GSE1: variants seen among roughly 807,000 people sequenced by gnomAD.
The protein encoded by GSE1 is genetic suppressor element 1.
GSE1 carries 32 observed loss-of-function variants against 112.6 expected under a neutral mutation model. The ratio of observed to expected loss-of-function variants is 0.28; its 90% CI spans 0.21 to 0.38. The LOEUF (loss-of-function observed/expected upper bound fraction) is 0.38, where lower values mean the gene tolerates loss of function less well. Among genes scored for constraint, GSE1 ranks in the 10% least tolerant of loss-of-function variants. The pLI is 1.00. For synonymous variants in GSE1, 1,115 were observed against 735.6 expected, an observed-to-expected ratio of 1.52 and a Z score of -8.35; for missense variants, 2,348 against 1,699.2, an observed-to-expected ratio of 1.38 and a Z score of -6.71.
intron 2 of GSE1, among the ~76,000 whole-genome samples, chr16:85,495,672 T>C (rs922467867): frequency 6.7e-6 from 1 of 149,468 alleles, no homozygotes; most frequent in African/African-American, 2.5e-5. Context: ...TTAAAAAAAA[T>C]TTTTAGTAGA....
chr16:85,290,277 C>A (rs2045169742), intron 1 of GSE1, among the ~76,000 whole-genome samples: 2 of 152,224 alleles, frequency 1.3e-5, no homozygotes, highest in Admixed American at 1.3e-4. Flanking sequence ...GACCCGGGCC[C>A]CTGCCATCTT....
intron 1 of GSE1, among the ~76,000 whole-genome samples, chr16:85,172,388 C>T (rs2074374934): frequency 6.6e-6 from 1 of 152,196 alleles, no homozygotes; most frequent in Non-Finnish European, 1.5e-5. Flanking sequence ...GGACAGTGGC[C>T]TAAACAGACT....
At chr16:85,670,921 T>C in intron 14 of GSE1, 74 bp from the exon 15 acceptor site, 1 of 909,814 alleles carries the variant, frequency 1.1e-6, no homozygotes, top group South Asian at 1.4e-5. Context: ...GGGCAGGGTG[T>C]GAAGAGGAGA....
intron 1 of GSE1, among the ~76,000 whole-genome samples, chr16:85,615,379 C>T (rs1033411251): frequency 6.6e-6 from 1 of 152,220 alleles, no homozygotes; most frequent in African/African-American, 2.4e-5. Context: ...AGACAGCCAG[C>T]CCCGTGTCGG....
chr16:85,433,746 A>AATGGATGCTGGATGG (rs1031764987), intron 2 of GSE1, among the ~76,000 whole-genome samples: 1 of 152,016 alleles, frequency 6.6e-6, no homozygotes, highest in Non-Finnish European at 1.5e-5. Flanking sequence ...CAGATGGATC[A>AATGGATGCTGGATGG]ATGGATGCTG....
intron 1 of GSE1, among the ~76,000 whole-genome samples, chr16:85,230,739 G>A (rs1461663669): frequency 6.6e-6 from 1 of 152,216 alleles, no homozygotes; most frequent in African/African-American, 2.4e-5. Context: ...GGAAAGGGGT[G>A]TATTAACTCA....
chr16:85,399,846 C>T (rs1471404411), intron 2 of GSE1, among the ~76,000 whole-genome samples: 3 of 152,198 alleles, frequency 2.0e-5, no homozygotes, highest in Non-Finnish European at 4.4e-5. Context: ...GTGCGGGCTG[C>T]GGTTATCATG....
At chr16:85,221,433 G>A (rs548768859) in intron 1 of GSE1, among the ~76,000 whole-genome samples, 10 of 151,698 alleles carry the variant, frequency 6.6e-5, no homozygotes, top group Non-Finnish European at 1.0e-4. Flanking sequence ...ATGCATCCAC[G>A]TGTGTGCACA....
chr16:85,588,493 C>T (rs916624832), intron 1 of GSE1, among the ~76,000 whole-genome samples: 1 of 152,182 alleles, frequency 6.6e-6, no homozygotes, highest in African/African-American at 2.4e-5. Context: ...ATCTGTAATT[C>T]GGATGACATA....
rs1029321279 is a variant in GSE1, at chr16:85,311,077, C to T, written c.2284-46386C>T. ...GCTCTGTCAAGAAGGATTATCTCGT[C>T]CTCCAGCAGGCAGGGCATCTGACAG... is the stretch of plus-strand genomic sequence containing the variant. On this transcript the variant is annotated intron_variant, in intron 1 of 2. Coordinates refer to the GSE1 transcript ENST00000637419. The surrounding 1 kb of genome is among the most constrained non-coding windows in gnomAD (Gnocchi z 4.2). Among the ~76,000 whole-genome samples, 8 of 152,234 alleles carry T rather than the reference C, an allele frequency of 5.3e-5. No individual in the cohort carries two copies. Among genetic ancestry groups the T allele is most frequent in the Admixed American group, 1.3e-4 (2 of 15,290 alleles).
chr16:85,330,026 C>T (rs1355308222), intron 1 of GSE1, among the ~76,000 whole-genome samples: 1 of 152,130 alleles, frequency 6.6e-6, no homozygotes, highest in African/African-American at 2.4e-5. Flanking sequence ...GCCAGGTGCT[C>T]TGCAGTCTCC....
chr16:85,243,492 C>T (rs887040433), intron 1 of GSE1, among the ~76,000 whole-genome samples: 3 of 152,352 alleles, frequency 2.0e-5, no homozygotes, highest in African/African-American at 7.2e-5. Flanking sequence ...TGGCTGCTTG[C>T]TGCCGGGTGC....
intron 1 of GSE1, among the ~76,000 whole-genome samples, chr16:85,188,778 G>T (rs1437400340): frequency 6.6e-6 from 1 of 151,408 alleles, no homozygotes; most frequent in Non-Finnish European, 1.5e-5. Flanking sequence ...TCCAGCCTGG[G>T]TGTTAGAGTG....
chr16:85,316,956 G>A (rs899425847), intron 1 of GSE1, among the ~76,000 whole-genome samples: 2 of 152,194 alleles, frequency 1.3e-5, no homozygotes, highest in Non-Finnish European at 2.9e-5. Flanking sequence ...GCACTTTTGG[G>A]GAACCCACCT....
chr16:85,385,991 C>T (rs2047680279), intron 2 of GSE1, among the ~76,000 whole-genome samples: 1 of 152,186 alleles, frequency 6.6e-6, no homozygotes, highest in African/African-American at 2.4e-5. Context: ...CCCCCATTCC[C>T]CGAGGGTACA....
chr16:85,376,858 G>A (rs768312776), intron 2 of GSE1, among the ~76,000 whole-genome samples: 3 of 152,210 alleles, frequency 2.0e-5, no homozygotes, highest in Non-Finnish European at 4.4e-5. Context: ...GGCTGTGTCC[G>A]TGGTGCCATA....
chr16:85,426,081 G>GGAAGGATGGATGGATGGATGGGTA (rs2048976229), intron 2 of GSE1, among the ~76,000 whole-genome samples: 8 of 105,712 alleles, frequency 7.6e-5, no homozygotes, highest in Non-Finnish European at 1.4e-4. Flanking sequence ...ATGGGTAGAT[G>GGAAGGATGGATGGATGGATGGGTA]GATGGGTGAA....
intron 1 of GSE1, among the ~76,000 whole-genome samples, chr16:85,630,119 T>C (rs535804461): frequency 3.0e-4 from 45 of 152,310 alleles, no homozygotes; most frequent in Non-Finnish European, 5.3e-4. Flanking sequence ...TTCTTTGAAA[T>C]GTGGGTTTCT....
At chr16:85,251,570 A>G (rs1906486172) in intron 1 of GSE1, among the ~76,000 whole-genome samples, 1 of 152,196 alleles carries the variant, frequency 6.6e-6, no homozygotes, top group African/African-American at 2.4e-5. Context: ...GGAGAAGGGC[A>G]GCAGAGTGAC....
Sources: allele counts gnomAD v4.1 joint callset (sites outside exome capture counted in the v4.1 genomes callset), GRCh38; gene constraint gnomAD v4.1.1; non-coding constraint Gnocchi (gnomAD v3.1); transcripts MANE v1.5; gene names NCBI Gene and HGNC (gene_info 2026-07-23, HGNC 2026-07-21).